The following USP6NL variants were observed in gnomAD, a reference collection of about 807,000 sequenced individuals.
USP6NL encodes USP6 N-terminal like, also known as USP6 N-terminal-like protein.
A neutral mutation model predicts 61.9 loss-of-function variants in USP6NL; 26 were observed. The observed-to-expected ratio is 0.42, with a 90% CI of 0.31 to 0.58. USP6NL has a LOEUF of 0.58. USP6NL is among the 20% of genes least tolerant of loss of function. USP6NL has a pLI of 0.16. For synonymous variants in USP6NL, 432 were observed against 390.1 expected (o/e 1.11, Z -1.27); for missense variants, 1,114 against 1,034.3 (o/e 1.08, Z -1.06).
Position 11,509,623 on chromosome 10 carries a change from C to T in USP6NL, c.248G>A (p.Gly83Glu). 6.4e-7 allele frequency: 1 copy of T among 1,566,038 alleles called. No homozygotes were observed. Among genetic ancestry groups the T allele is most frequent in the Non-Finnish European group, 8.7e-7 (1 of 1,154,230 alleles). The change falls in exon 6 of 15, where the codon GGA becomes GAA. Residue 83 changes from glycine to glutamate, a missense_variant. By Grantham distance (98) the Gly-to-Glu change is moderately conservative. Coordinates refer to ENST00000609104, the MANE Select transcript of USP6NL (RefSeq NM_014688.5). ...TTCAGTGTTCTTGTATTTTTCCCATCCTTTCAGCATTTTCAGCCATTTGGT... is the reference window on the plus strand; with the variant it reads ...TTCAGTGTTCTTGTATTTTTCCCATTCTTTCAGCATTTTCAGCCATTTGGT... ...RTTKWLKMLK[G>E]WEKYKNTEKF...
At chr10:11,610,838 C>T (rs1838865289) in intron 1 of USP6NL, among the ~76,000 whole-genome samples, 1 of 152,058 alleles carries the variant, frequency 6.6e-6, no homozygotes, top group South Asian at 2.1e-4. Context: ...GATTCCTACG[C>T]GTCCCGCATT....
At chr10:11,471,838 AG>A (rs559653264) in intron 14 of USP6NL, among the ~76,000 whole-genome samples, 162 of 80,156 alleles carry the variant, frequency 2.0e-3, no homozygotes, top group African/African-American at 7.2e-3. Context: ...GGGTGGGGGG[AG>A]GGGGGGACAG....
chr10:11,509,674 T>C lies in USP6NL; in HGVS notation c.197A>G (p.Gln66Arg). The change falls in exon 6 of 15, where the codon CAA (glutamine) becomes CGA (arginine). Residue 66 changes from glutamine to arginine, a missense_variant and splice_region_variant. Physicochemically the swap from Gln to Arg is conservative, Grantham distance 43. Coordinates refer to ENST00000609104, the MANE Select transcript of USP6NL (RefSeq NM_014688.5). ...AGTTCTTTCAATTTCCAGGTGCTTT[T>C]GCTAAAATAAAATTGAAATTCATTG... ...LPDHNVAVER[Q>R]KHLEIERTTK... 3.2e-6 allele frequency: 5 copies of C among 1,557,494 alleles called. No homozygotes were observed. Among genetic ancestry groups the C allele is most frequent in the Non-Finnish European group, 4.3e-6 (5 of 1,150,036 alleles).
chr10:11,463,703 G>T lies in USP6NL; in HGVS notation c.1225C>A (p.His409Asn). ...TGCGGGGAGTGCTCGTGCCTCCTGTGGGGCGCCCCGCTCTCCCTCCTGCCG... is the reference window on the plus strand; with the variant it reads ...TGCGGGGAGTGCTCGTGCCTCCTGTTGGGCGCCCCGCTCTCCCTCCTGCCG... ...ASGRRESGAP[H>N]RRHEHSPHPQ... The change falls in exon 15 of 15, where the codon CAC (histidine) becomes AAC (asparagine). Residue 409 changes from histidine (H) to asparagine (N), a missense_variant. By Grantham distance (68) the His-to-Asn change is moderately conservative. Transcript: ENST00000609104. This position sits in a 1 kb window ranked among gnomAD's most constrained non-coding sequence, Gnocchi z 6.3. The T allele has an allele frequency of 6.2e-7, 1 of 1,612,524 alleles. No individual in the cohort carries two copies. Among genetic ancestry groups the T allele is most frequent in the Non-Finnish European group, 8.5e-7 (1 of 1,179,152 alleles).
chr10:11,482,053 C>T lies in USP6NL; in HGVS notation c.926-131G>A. The T allele has an allele frequency of 1.2e-6, 1 of 847,494 alleles. No individual in the cohort carries two copies. The highest frequency in any genetic ancestry group is 1.7e-6 in the Non-Finnish European group (1 of 588,196). The allele number at this position is 847,494 out of a possible 1,614,324, so 52.5% of individuals were successfully genotyped here. On this transcript the variant is annotated intron_variant, in intron 13 of 14. Coordinates refer to ENST00000609104, the MANE Select transcript of USP6NL (RefSeq NM_014688.5). The surrounding 1 kb of genome is among the most constrained non-coding windows in gnomAD (Gnocchi z 4.0). ...CAAGCAGCATACAACTTACATATGG[C>T]ATTGAGGACATCATTAAAACTCAGT...
Position 11,597,703 on chromosome 10 carries a change from A to C in USP6NL, c.-69T>G. On this transcript the variant is annotated 5_prime_UTR_variant, in exon 2 of 15. Transcript: ENST00000609104. This position sits in a 1 kb window ranked among gnomAD's most constrained non-coding sequence, Gnocchi z 4.6. ...CAAAATCTGCTGTCCAAGGTTTCTC[A>C]GAGGAATACATGTCCTAGTCAGGAA... The C allele has an allele frequency of 4.4e-5, 55 of 1,244,974 alleles. No homozygotes were observed. The highest frequency in any genetic ancestry group is 5.8e-5 in the Non-Finnish European group (50 of 867,532). The allele number at this position is 1,244,974 out of a possible 1,614,324, so 77.1% of individuals were successfully genotyped here. A position where few individuals can be genotyped will look rare whatever the true frequency, so the allele number is the denominator to read the frequency against.
At chr10:11,577,815 C>T (rs1358849191) in intron 2 of USP6NL, among the ~76,000 whole-genome samples, 3 of 152,210 alleles carry the variant, frequency 2.0e-5, no homozygotes, top group South Asian at 2.1e-4. Flanking sequence ...AGATTACAGG[C>T]GTGAGCCACT....
intron 2 of USP6NL, among the ~76,000 whole-genome samples, chr10:11,576,287 G>T (rs1837543156): frequency 6.6e-6 from 1 of 152,160 alleles, no homozygotes; most frequent in Non-Finnish European, 1.5e-5. Flanking sequence ...GAAGAGGCAT[G>T]GTGGAGCAGT....
intron 4 of USP6NL, among the ~76,000 whole-genome samples, chr10:11,519,576 G>A (rs1835116617): frequency 6.6e-6 from 1 of 152,200 alleles, no homozygotes; most frequent in African/African-American, 2.4e-5. Context: ...GTTGCAGTGA[G>A]CTGAGACCGC....
intron 2 of USP6NL, among the ~76,000 whole-genome samples, chr10:11,533,077 A>C (rs1398944631): frequency 2.6e-5 from 4 of 152,222 alleles, no homozygotes; most frequent in Non-Finnish European, 4.4e-5. Context: ...AATTACACTT[A>C]ACTGGACACT....
chr10:11,550,056 T>G (rs574148074), intron 2 of USP6NL, among the ~76,000 whole-genome samples: 1 of 152,340 alleles, frequency 6.6e-6, no homozygotes, highest in East Asian at 1.9e-4. Flanking sequence ...CAAATGGTGC[T>G]GAAATAACTA....
chr10:11,481,390 G>A lies in USP6NL; in HGVS notation c.1078+380C>T, dbSNP rs1394326101. Among the ~76,000 whole-genome samples, 1 of 152,026 alleles carries A rather than the reference G, an allele frequency of 6.6e-6. No homozygotes were observed. Among genetic ancestry groups the A allele is most frequent in the Non-Finnish European group, 1.5e-5 (1 of 68,032 alleles). On this transcript the variant is annotated intron_variant, in intron 14 of 14. Transcript: ENST00000609104. The surrounding 1 kb of genome is among the most constrained non-coding windows in gnomAD (Gnocchi z 4.4). ...TCATCTATAAGATGGGGCTTTTACT[G>A]TACTTACTATTGCTGTACTTACTAT...
intron 2 of USP6NL, among the ~76,000 whole-genome samples, chr10:11,567,750 C>G (rs1404879830): frequency 6.6e-6 from 1 of 152,180 alleles, no homozygotes; most frequent in East Asian, 1.9e-4. Flanking sequence ...CCAACAGCAG[C>G]TTACCTTTAT....
chr10:11,515,421 T>C lies in USP6NL; in HGVS notation c.195+3114A>G, dbSNP rs112270159. Reference sequence around the variant, plus strand: ...CTGCGTATTGTGATATAATGAGAACTATATGATCTCTGCCCCCAGTTCCCT... The same window carrying C: ...CTGCGTATTGTGATATAATGAGAACCATATGATCTCTGCCCCCAGTTCCCT... On this transcript the variant is annotated intron_variant, in intron 5 of 14. Coordinates refer to ENST00000609104, the MANE Select transcript of USP6NL (RefSeq NM_014688.5). Among the ~76,000 whole-genome samples, 1,349 of 152,352 alleles carry C rather than the reference T, an allele frequency of 8.9e-3. 20 individuals are homozygous for C. Among genetic ancestry groups the C allele is most frequent in the African/African-American group, 0.025 (1,037 of 41,584 alleles).
At chr10:11,560,138 T>C (rs550087819) in intron 2 of USP6NL, among the ~76,000 whole-genome samples, 1 of 152,322 alleles carries the variant, frequency 6.6e-6, no homozygotes, top group African/African-American at 2.4e-5. Flanking sequence ...GCACGATACA[T>C]TGCAAATTCC....
At chr10:11,477,038 A>G (rs1591823184) in intron 14 of USP6NL, among the ~76,000 whole-genome samples, 1 of 152,086 alleles carries the variant, frequency 6.6e-6, no homozygotes, top group Non-Finnish European at 1.5e-5. Context: ...CGCCCCGCTG[A>G]TTTTTTTATT....
At chr10:11,555,413 C>CT (rs1284615361) in intron 2 of USP6NL, among the ~76,000 whole-genome samples, 19 of 15,376 alleles carry the variant, frequency 1.2e-3, no homozygotes, top group East Asian at 0.012. Flanking sequence ...GAAACTCGGT[C>CT]TTAAAAAAAA....
At chr10:11,570,260 C>T (rs1837308948) in intron 2 of USP6NL, among the ~76,000 whole-genome samples, 1 of 152,314 alleles carries the variant, frequency 6.6e-6, no homozygotes, top group Admixed American at 6.5e-5. Flanking sequence ...TTGTCTCTGA[C>T]CACTTGCATC....
At chr10:11,547,840 C>T (rs1836341600) in intron 2 of USP6NL, among the ~76,000 whole-genome samples, 1 of 152,014 alleles carries the variant, frequency 6.6e-6, no homozygotes, top group African/African-American at 2.4e-5. Context: ...TGCACCCAGC[C>T]AAAACTTTAA....
Sources: allele counts gnomAD v4.1 joint callset (sites outside exome capture counted in the v4.1 genomes callset), GRCh38; gene constraint gnomAD v4.1.1; non-coding constraint Gnocchi (gnomAD v3.1); transcripts MANE v1.5; gene names NCBI Gene and HGNC (gene_info 2026-07-23, HGNC 2026-07-21).